Variants in TMC3 observed in about 807,000 individuals in gnomAD.
TMC3 encodes the protein transmembrane channel-like protein 3.
TMC3 carries 98 observed loss-of-function variants against 110.6 expected under a neutral mutation model. That is an observed-to-expected ratio of 0.89 (90% CI 0.75 to 1.05). The LOEUF is 1.05. Among genes scored for constraint, TMC3 ranks in the 50% least tolerant of loss-of-function variants. TMC3 has a pLI of 0.00. For missense variants in TMC3, 1,319 were observed against 1,373.2 expected, an observed-to-expected ratio of 0.96 and a Z score of 0.62; for synonymous variants, 489 against 513.1, an observed-to-expected ratio of 0.95 and a Z score of 0.63.
rs1027438970 is a variant in TMC3, at chr15:81,338,595, C to T, written c.2081+60G>A. ...ATTTTATGTAATTATTGGAAAGCAG[C>T]GTTTTCTTGTTGGCCAAACACACAG... On this transcript the variant is annotated intron_variant, in intron 18 of 21. Transcript: ENST00000359440. 23 of 1,583,522 alleles carry T rather than the reference C, an allele frequency of 1.5e-5. No homozygotes were observed. The East Asian group carries it at 2.9e-4, about 20-fold the overall frequency.
In TMC3 at chr15:81,333,153, G is replaced by A; in HGVS notation, c.2569C>T (p.Arg857Ter). The A allele has an allele frequency of 3.7e-6, 6 of 1,614,022 alleles. No homozygotes were observed. The highest frequency in any genetic ancestry group is 1.7e-5 in the Admixed American group (1 of 60,032). The change falls in exon 22 of 22, where the codon CGA becomes TGA. Residue 857 changes from arginine to a stop codon, truncating the protein, a stop_gained. Coordinates refer to ENST00000359440, the MANE Select transcript of TMC3 (RefSeq NM_001080532.3). LOFTEE classifies it low-confidence loss of function (END_TRUNC). Reference sequence around the variant, plus strand: ...GGGTTGATTTGCTGAAAGTCTTTTCGGAAAAGAGGTTCTGAGTGTACATCT... The same window carrying A: ...GGGTTGATTTGCTGAAAGTCTTTTCAGAAAAGAGGTTCTGAGTGTACATCT... ...IEDVHSEPLF[R>*]KDFQQINPPH...
intron 11 of TMC3, among the ~76,000 whole-genome samples, chr15:81,348,966 C>A (rs1039278127): frequency 1.6e-4 from 25 of 152,206 alleles, no homozygotes; most frequent in Admixed American, 1.6e-3. Flanking sequence ...GCATGCGCCA[C>A]CACGCCCAGC....
intron 4 of TMC3, among the ~76,000 whole-genome samples, chr15:81,360,954 A>C (rs1596092629): frequency 6.7e-6 from 1 of 149,494 alleles, no homozygotes; most frequent in Non-Finnish European, 1.5e-5. Context: ...TTGTTTGTTT[A>C]GTTTATTACG....
chr15:81,368,473 C>CTACTCTAAT, intron 2 of TMC3, 145 bp from the exon 3 acceptor site: 1 of 609,800 alleles, frequency 1.6e-6, no homozygotes. Flanking sequence ...TGGAGTTACA[C>CTACTCTAAT]AAATACTTCA....
chr15:81,336,040 A>G (rs1018479493), intron 20 of TMC3: 1 of 152,206 alleles, frequency 6.6e-6, no homozygotes, highest in Admixed American at 6.5e-5. Flanking sequence ...TCCTACTTCG[A>G]TACTTCCTTC....
chr15:81,332,473 C>A lies in TMC3; in HGVS notation c.3249G>T (p.Lys1083Asn). 1 of 1,612,800 alleles carries A rather than the reference C, an allele frequency of 6.2e-7. No individual in the cohort carries two copies. The highest frequency in any genetic ancestry group is 8.5e-7 in the Non-Finnish European group (1 of 1,179,472). Residue 1083 changes from lysine (K) to asparagine (N), a missense_variant, in exon 22 of 22, where the codon AAG becomes AAT. Physicochemically the swap from Lys to Asn is moderately conservative, Grantham distance 94. Coordinates refer to ENST00000359440, the MANE Select transcript of TMC3 (RefSeq NM_001080532.3). ...SVGQPSRRKA[K>N]SGQELTVDLD... ...GATCCACGGTCAGCTCCTGCCCCGACTTGGCCTTCCTCCTGCTGGGCTGGC... is the reference window on the plus strand; with the variant it reads ...GATCCACGGTCAGCTCCTGCCCCGAATTGGCCTTCCTCCTGCTGGGCTGGC...
At chr15:81,362,502 C>T (rs1894210829) in intron 3 of TMC3, among the ~76,000 whole-genome samples, 1 of 152,092 alleles carries the variant, frequency 6.6e-6, no homozygotes, top group South Asian at 2.1e-4. Flanking sequence ...TGGACACCAG[C>T]TTTGGAGGAA....
At chr15:81,337,749 C>G (rs933920403) in intron 19 of TMC3, 97 bp downstream of exon 19, 1 of 1,060,912 alleles carries the variant, frequency 9.4e-7, no homozygotes, top group African/African-American at 1.6e-5. Flanking sequence ...GTCACAGAAA[C>G]CTTGAAGATG....
chr15:81,368,235 A>G lies in TMC3; in HGVS notation c.312+18T>C. On this transcript the variant is annotated intron_variant, in intron 3 of 21. Transcript: ENST00000359440. The stretch of plus-strand genomic sequence containing the variant: ...GGTGTGAGCCACCGCGCCCAGCCAC[A>G]TGTGTGTTCTGTATTACCTCTGCAC... The G allele has an allele frequency of 6.2e-7, 1 of 1,608,352 alleles. No homozygotes were observed. Among genetic ancestry groups the G allele is most frequent in the East Asian group, 2.2e-5 (1 of 44,822 alleles).
chr15:81,369,014 G>C (rs1894377956), intron 2 of TMC3, among the ~76,000 whole-genome samples: 1 of 152,274 alleles, frequency 6.6e-6, no homozygotes, highest in East Asian at 1.9e-4. Flanking sequence ...AGGGCTCTTA[G>C]AGAGAAGAAT....
In TMC3 at chr15:81,343,273, C is replaced by G. The variant is rs1252912252; in HGVS notation, c.1715+5G>C. The G allele has an allele frequency of 3.8e-6, 6 of 1,594,110 alleles. No individual in the cohort carries two copies. Among genetic ancestry groups the G allele is most frequent in the Non-Finnish European group, 5.2e-6 (6 of 1,161,896 alleles). ...GCAAAGGCAAGAAGAAACTTTGATACCTACCAAATCATTCCTTGGTTGTAG... is the reference window on the plus strand; with the variant it reads ...GCAAAGGCAAGAAGAAACTTTGATAGCTACCAAATCATTCCTTGGTTGTAG... On this transcript the variant is annotated splice_donor_5th_base_variant and intron_variant, in intron 15 of 21. Coordinates refer to ENST00000359440, the MANE Select transcript of TMC3 (RefSeq NM_001080532.3).
intron 10 of TMC3, 76 bp from the exon 11 acceptor site, chr15:81,349,643 T>G: frequency 1.7e-5 from 14 of 821,094 alleles, no homozygotes; most frequent in Non-Finnish European, 2.4e-5. Flanking sequence ...ATTTGATCTC[T>G]TTCCCTAATA....
intron 19 of TMC3, 43 bp downstream of exon 19, chr15:81,337,803 G>T: frequency 6.6e-7 from 1 of 1,513,478 alleles, no homozygotes; most frequent in Non-Finnish European, 9.2e-7. Flanking sequence ...TCAGTCATGT[G>T]GTTGACACAT....
At chr15:81,369,203 A>T (rs1596098696) in intron 2 of TMC3, among the ~76,000 whole-genome samples, 1 of 151,788 alleles carries the variant, frequency 6.6e-6, no homozygotes, top group Non-Finnish European at 1.5e-5. Context: ...CATCACAGCA[A>T]CCCCCAATAA....
chr15:81,343,930 A>G lies in TMC3; in HGVS notation c.1634T>C (p.Leu545Pro). The change falls in exon 14 of 22, where the codon CTG becomes CCG. Residue 545 changes from leucine to proline, a missense_variant. By Grantham distance (98) the Leu-to-Pro change is moderately conservative. Coordinates refer to ENST00000359440, the MANE Select transcript of TMC3 (RefSeq NM_001080532.3). The part of the protein sequence containing the change: ...RYLSDYWCWD[L>P]ESKFPEYGEF... Reference sequence around the variant, plus strand: ...CATTTTACTTACAAACTTGCTCTCCAGATCCCAACACCAGTAGTCACTTAA... The same window carrying G: ...CATTTTACTTACAAACTTGCTCTCCGGATCCCAACACCAGTAGTCACTTAA... 6.2e-7 allele frequency: 1 copy of G among 1,612,174 alleles called. No homozygotes were observed. The highest frequency in any genetic ancestry group is 8.5e-7 in the Non-Finnish European group (1 of 1,178,806).
At chr15:81,349,774 T>A (rs2141706025) in intron 10 of TMC3, among the ~76,000 whole-genome samples, 1 of 151,318 alleles carries the variant, frequency 6.6e-6, no homozygotes, top group African/African-American at 2.4e-5. Flanking sequence ...TTTTTTTTTT[T>A]TTTGAACTCT....
At chr15:81,343,815 G>T in intron 14 of TMC3, 102 bp downstream of exon 14, 1 of 1,289,548 alleles carries the variant, frequency 7.8e-7, no homozygotes. Context: ...TTCTCTTTCC[G>T]TGTGTCCCCC....
In TMC3 at chr15:81,355,786, A is replaced by G. The variant is rs756588858; in HGVS notation, c.892-18T>C. 1.3e-6 allele frequency: 2 copies of G among 1,520,144 alleles called. No homozygotes were observed. Among genetic ancestry groups the G allele is most frequent in the Admixed American group, 3.5e-5 (2 of 56,360 alleles). The allele number at this position is 1,520,144 out of a possible 1,614,324, so 94.2% of individuals were successfully genotyped here. ...ATAGCTTCCTTTAAGAAAAATACATACAGCAATAAAAGCTTAGCATCATCA... is the reference window on the plus strand; with the variant it reads ...ATAGCTTCCTTTAAGAAAAATACATGCAGCAATAAAAGCTTAGCATCATCA... On this transcript the variant is annotated intron_variant, in intron 8 of 21. Coordinates refer to ENST00000359440, the MANE Select transcript of TMC3 (RefSeq NM_001080532.3).
rs1484820501 is a variant in TMC3, at chr15:81,333,011, C to T, written c.2711G>A (p.Trp904Ter). 1 of 1,613,846 alleles carries T rather than the reference C, an allele frequency of 6.2e-7. No homozygotes were observed. Among genetic ancestry groups the T allele is most frequent in the Non-Finnish European group, 8.5e-7 (1 of 1,179,816 alleles). Residue 904 changes from tryptophan (W) to a stop codon, truncating the protein, a stop_gained, in exon 22 of 22, where the codon TGG becomes TAG. Coordinates refer to ENST00000359440, the MANE Select transcript of TMC3 (RefSeq NM_001080532.3). LOFTEE classifies it low-confidence loss of function (END_TRUNC). Reference sequence around the variant, plus strand: ...ATCTATCTTGAAATGTCTTTCTGGCCAGACATTTAGATGTTTTTTCTTGTA... The same window carrying T: ...ATCTATCTTGAAATGTCTTTCTGGCTAGACATTTAGATGTTTTTTCTTGTA... Reference protein sequence around the residue: ...DSYKKKHLNVWPERHFKIDAS... With the variant: ...DSYKKKHLNV
Sources: gnomAD v4.1 joint callset for allele counts (sites outside exome capture counted in the v4.1 genomes callset) on GRCh38, gnomAD v4.1.1 for gene constraint, MANE v1.5 for transcripts, NCBI Gene and HGNC (gene_info 2026-07-23, HGNC 2026-07-21) for gene names.